Variants in C9orf153 observed in about 807,000 individuals in gnomAD.
C9orf153 encodes chromosome 9 open reading frame 153.
In C9orf153, 10 loss-of-function variants were observed where a neutral mutation model predicts 9.0. The ratio of observed to expected loss-of-function variants is 1.11; its 90% CI spans 0.69 to 1.89. C9orf153 has a LOEUF of 1.89. C9orf153 is among the 40% of genes most tolerant of loss of function. The pLI is 0.00. For missense variants in C9orf153, 108 were observed against 111.0 expected, an observed-to-expected ratio of 0.97 and a Z score of 0.12; for synonymous variants, 35 against 37.3, an observed-to-expected ratio of 0.94 and a Z score of 0.23.
chr9:86,230,021 C>G (rs1425687489), intron 1 of C9orf153, among the ~76,000 whole-genome samples: 2 of 152,116 alleles, frequency 1.3e-5, no homozygotes, highest in African/African-American at 2.4e-5. Context: ...ATCATGAGAA[C>G]AGCAAGGGGA....
chr9:86,227,315 TTTTATTTA>T lies in C9orf153; in HGVS notation c.242+532_242+539del, dbSNP rs146954955. On this transcript the variant is annotated intron_variant, in intron 3 of 3. Coordinates refer to ENST00000339137, the MANE Select transcript of C9orf153 (RefSeq NM_001276366.4). ...GCACATGCCACCAAGCTCAGCTAAT[TTTTATTTA>T]TTTATTTATTTATTTATTTATTTTT... 5.9e-4 allele frequency: 839 copies of T among 1,425,714 alleles called. 3 individuals are homozygous for T. Among genetic ancestry groups the T allele is most frequent in the Non-Finnish European group, 7.0e-4 (771 of 1,099,542 alleles). The allele number at this position is 1,425,714 out of a possible 1,614,324, so 88.3% of individuals were successfully genotyped here.
At chr9:86,248,997 T>C (rs1564003598) in intron 1 of C9orf153, among the ~76,000 whole-genome samples, 2 of 152,254 alleles carry the variant, frequency 1.3e-5, no homozygotes, top group African/African-American at 2.4e-5. Context: ...ATGTTATTGC[T>C]GTTAGCATCT....
In C9orf153 at chr9:86,230,259, A is replaced by T. The variant is rs139173308; in HGVS notation, c.-26-630T>A. Among the ~76,000 whole-genome samples the T allele has an allele frequency of 8.5e-5, 13 of 152,358 alleles. No individual in the cohort carries two copies. The South Asian group carries it at 1.7e-3, about 19-fold the overall frequency. ...TACAACATGTGTATTTAGTTTTAAT[A>T]CTAGTGTAACAAATCCTATATGGAT... is the stretch of plus-strand genomic sequence containing the variant. On this transcript the variant is annotated intron_variant, in intron 1 of 3. Transcript: ENST00000339137.
chr9:86,222,303 C>T (rs1390052194), intron 3 of C9orf153, among the ~76,000 whole-genome samples: 6 of 152,048 alleles, frequency 3.9e-5, no homozygotes, highest in Non-Finnish European at 2.9e-5. Flanking sequence ...TGCAGAGCCC[C>T]GGCAGGTGGA....
chr9:86,221,762 A>G, intron 3 of C9orf153, 29 bp from the exon 4 acceptor site: 3 of 1,464,376 alleles, frequency 2.0e-6, no homozygotes, highest in Non-Finnish European at 2.8e-6. Flanking sequence ...TCAAAGAATC[A>G]CATGGTGTTG....
rs965332614 is a variant in C9orf153 at position 86,240,837 on chromosome 9, T to C, written c.-26-11208A>G. On this transcript the variant is annotated intron_variant, in intron 1 of 3. Coordinates refer to ENST00000339137, the MANE Select transcript of C9orf153 (RefSeq NM_001276366.4). ...GATTCTTCTACCTCAGCCTCCCGAG[T>C]AGCTAGGACTATAGATGTGCACCGC... Among the ~76,000 whole-genome samples, 15 of 150,750 alleles carry C rather than the reference T, an allele frequency of 1.0e-4. No homozygotes were observed. The Admixed American group carries it at 1.0e-3, about 10-fold the overall frequency.
At chr9:86,223,860 C>T (rs911120317) in intron 3 of C9orf153, among the ~76,000 whole-genome samples, 2 of 152,112 alleles carry the variant, frequency 1.3e-5, no homozygotes, top group Non-Finnish European at 2.9e-5. Context: ...TCCTTGGAGA[C>T]ATTTGAAAGC....
At chr9:86,240,993 C>T (rs910425241) in intron 1 of C9orf153, among the ~76,000 whole-genome samples, 9 of 152,128 alleles carry the variant, frequency 5.9e-5, no homozygotes, top group African/African-American at 2.2e-4. Flanking sequence ...AGGCGTGAGC[C>T]ACTGTGCCGG....
At chr9:86,227,185 T>C in intron 3 of C9orf153, 1 of 737,604 alleles carries the variant, frequency 1.4e-6, no homozygotes, top group Non-Finnish European at 1.8e-6. Flanking sequence ...CTTGCTCTGT[T>C]GCCAAGGCTG....
Position 86,221,433 on chromosome 9 carries a change from T to G in C9orf153, c.*255A>C. 1 of 804,190 alleles carries G rather than the reference T, an allele frequency of 1.2e-6. No individual in the cohort carries two copies. Among genetic ancestry groups the G allele is most frequent in the Non-Finnish European group, 1.7e-6 (1 of 587,908 alleles). The allele number at this position is 804,190 out of a possible 1,614,324, so 49.8% of individuals were successfully genotyped here. On this transcript the variant is annotated 3_prime_UTR_variant, in exon 4 of 4. Coordinates refer to ENST00000339137, the MANE Select transcript of C9orf153 (RefSeq NM_001276366.4). Reference sequence around the variant, plus strand: ...TCTATTGGGTACTTGGCTTCTTTACTTTTTGTGTATTAAATCAATGCTCTC... The same window carrying G: ...TCTATTGGGTACTTGGCTTCTTTACGTTTTGTGTATTAAATCAATGCTCTC...
chr9:86,229,620 T>G lies in C9orf153; in HGVS notation c.-17A>C, dbSNP rs773625714. On this transcript the variant is annotated 5_prime_UTR_variant, in exon 2 of 4. Coordinates refer to ENST00000339137, the MANE Select transcript of C9orf153 (RefSeq NM_001276366.4). ...GAGGAACATCGTGCTGGGATTTTAT[T>G]CTCTAATTCCTAAAAAAAGCAATAT... is the stretch of plus-strand genomic sequence containing the variant. 6.3e-7 allele frequency: 1 copy of G among 1,596,780 alleles called. No homozygotes were observed. Among genetic ancestry groups the G allele is most frequent in the Non-Finnish European group, 8.6e-7 (1 of 1,166,950 alleles).
In C9orf153 at chr9:86,221,745, C is replaced by A. The variant is rs1392233487; in HGVS notation, c.243-12G>T. 6.7e-7 allele frequency: 1 copy of A among 1,503,104 alleles called. No homozygotes were observed. Among genetic ancestry groups the A allele is most frequent in the Non-Finnish European group, 9.1e-7 (1 of 1,104,096 alleles). The allele number at this position is 1,503,104 out of a possible 1,614,324, so 93.1% of individuals were successfully genotyped here. ...CATGAATTGTTTTCCTGAAAAGAAT[C>A]ATATTTTCAAAGAATCACATGGTGT... On this transcript the variant is annotated splice_polypyrimidine_tract_variant and intron_variant, in intron 3 of 3. Transcript: ENST00000339137.
At chr9:86,241,787 G>A (rs1340785041) in intron 1 of C9orf153, among the ~76,000 whole-genome samples, 2 of 152,024 alleles carry the variant, frequency 1.3e-5, no homozygotes, top group Non-Finnish European at 2.9e-5. Context: ...GACCAGGCCT[G>A]GCTAATTTTT....
chr9:86,248,233 A>C (rs1335723282), intron 1 of C9orf153, among the ~76,000 whole-genome samples: 1 of 152,088 alleles, frequency 6.6e-6, no homozygotes, highest in Admixed American at 6.5e-5. Context: ...TCTTGGGTTC[A>C]AGCGATTCTC....
intron 1 of C9orf153, among the ~76,000 whole-genome samples, chr9:86,257,792 T>C (rs899061967): frequency 6.6e-6 from 1 of 152,152 alleles, no homozygotes; most frequent in Non-Finnish European, 1.5e-5. Context: ...AGGGGAAAAG[T>C]CTGTGGTCTT....
At chr9:86,244,236 C>T in intron 1 of C9orf153, among the ~76,000 whole-genome samples, 1 of 152,212 alleles carries the variant, frequency 6.6e-6, no homozygotes, top group Middle Eastern at 3.4e-3. Context: ...CACCTTTTCT[C>T]TTTTAAAATA....
chr9:86,254,251 C>T (rs1052499412), intron 1 of C9orf153, among the ~76,000 whole-genome samples: 4 of 152,048 alleles, frequency 2.6e-5, no homozygotes, highest in South Asian at 2.1e-4. Flanking sequence ...ATTGTTTTTG[C>T]GTTTTTATTA....
At chr9:86,226,547 T>G (rs1297789081) in intron 3 of C9orf153, among the ~76,000 whole-genome samples, 1 of 152,134 alleles carries the variant, frequency 6.6e-6, no homozygotes, top group Non-Finnish European at 1.5e-5. Context: ...CCACTACTTT[T>G]AATATAAAAA....
chr9:86,240,707 C>CTTTTTTTTTTTTTT (rs367674249), intron 1 of C9orf153, among the ~76,000 whole-genome samples: 45 of 117,002 alleles, frequency 3.8e-4, no homozygotes, highest in South Asian at 5.4e-4. Context: ...TTTTCTTTTT[C>CTTTTTTTTTTTTTT]TTTTTTTTTT....
Sources: allele counts gnomAD v4.1 joint callset (sites outside exome capture counted in the v4.1 genomes callset), GRCh38; gene constraint gnomAD v4.1.1; transcripts MANE v1.5; gene names NCBI Gene and HGNC (gene_info 2026-07-23, HGNC 2026-07-21).